Variants in IFT140 observed in about 807,000 individuals in gnomAD.
The protein encoded by IFT140 is intraflagellar transport 140.
A neutral mutation model predicts 164.6 loss-of-function variants in IFT140; 133 were observed. That is an observed-to-expected ratio of 0.81 (90% CI 0.70 to 0.93). IFT140 has a LOEUF of 0.93. Among genes scored for constraint, IFT140 ranks in the 40% least tolerant of loss-of-function variants. The pLI is 0.00. For synonymous variants in IFT140, 860 were observed against 817.3 expected (o/e 1.05, Z -0.89); for missense variants, 2,045 against 1,972.3 (o/e 1.04, Z -0.70).
chr16:1,520,864 G>A lies in IFT140; in HGVS notation c.3454-56C>T, dbSNP rs1014947575. 1.1e-5 allele frequency: 17 copies of A among 1,495,474 alleles called. No individual in the cohort carries two copies. In the African/African-American group the frequency reaches 1.4e-4, roughly 12 times the overall value. The allele number at this position is 1,495,474 out of a possible 1,614,324, so 92.6% of individuals were successfully genotyped here. A position where few individuals can be genotyped will look rare whatever the true frequency, so the allele number is the denominator to read the frequency against. ...CCGAGGGGGCCGGGAACTGAAGTGC[G>A]CCCCTCATCTGCCACCGCTTCAGAG... On this transcript the variant is annotated intron_variant, in intron 26 of 30. Coordinates refer to ENST00000426508, the MANE Select transcript of IFT140 (RefSeq NM_014714.4).
intron 19 of IFT140, among the ~76,000 whole-genome samples, chr16:1,530,277 C>A (rs1425049958): frequency 1.3e-5 from 2 of 151,702 alleles, no homozygotes; most frequent in Admixed American, 1.3e-4. Context: ...GGACTACAGG[C>A]ATGCGCCACC....
intron 13 of IFT140, among the ~76,000 whole-genome samples, chr16:1,572,396 C>T (rs2034067304): frequency 6.6e-6 from 1 of 152,234 alleles, no homozygotes; most frequent in South Asian, 2.1e-4. Context: ...CCTGTAATCC[C>T]AGCACTTTGG....
chr16:1,555,145 G>A, intron 19 of IFT140: 1 of 1,324,116 alleles, frequency 7.6e-7, no homozygotes, highest in Non-Finnish European at 1.0e-6. Context: ...ATGAGTCTGG[G>A]TGACCTCTGC....
chr16:1,559,315 T>C (rs566493022), intron 18 of IFT140, among the ~76,000 whole-genome samples: 1 of 152,332 alleles, frequency 6.6e-6, no homozygotes, highest in Admixed American at 6.5e-5. Flanking sequence ...GGGTACCCAG[T>C]TCGCTGTGTG....
At chr16:1,610,508 T>TGGGACTCGCGAGGGGCCGCG (rs1163816800) in intron 2 of IFT140, 156 bp downstream of exon 2, 3 of 153,710 alleles carry the variant, frequency 2.0e-5, no homozygotes, top group African/African-American at 7.2e-5. Flanking sequence ...CCAGCCTCGA[T>TGGGACTCGCGAGGGGCCGCG]GGGACTCGCG....
intron 19 of IFT140, chr16:1,554,175 T>C (rs1407591323): frequency 7.9e-7 from 1 of 1,261,466 alleles, no homozygotes; most frequent in Non-Finnish European, 1.0e-6. Context: ...CCTGGCCCCA[T>C]CTCCGCCCTG....
intron 19 of IFT140, among the ~76,000 whole-genome samples, chr16:1,538,174 C>A (rs1168803098): frequency 5.3e-5 from 8 of 152,180 alleles, no homozygotes; most frequent in Admixed American, 4.6e-4. Context: ...TCCTTCCTGG[C>A]AGGGCGGTGG....
Position 1,531,557 on chromosome 16 carries a change from G to C in IFT140, c.2400-4761C>G, listed in dbSNP as rs1476668275. On this transcript the variant is annotated intron_variant, in intron 19 of 30. Coordinates refer to ENST00000426508, the MANE Select transcript of IFT140 (RefSeq NM_014714.4). The surrounding 1 kb of genome is among the most constrained non-coding windows in gnomAD (Gnocchi z 4.7). ...AGAGCAGGAGGGTGTGATGCACTGT[G>C]GGGGAAGCCCACCGCCCAGCTGCGA... The C allele has an allele frequency of 6.6e-6, 1 of 152,252 alleles. No individual in the cohort carries two copies. The highest frequency in any genetic ancestry group is 1.9e-4 in the East Asian group (1 of 5,186). 9.4% of individuals were successfully genotyped at this position (152,252 alleles called of 1,614,324 possible).
intron 30 of IFT140, 90 bp downstream of exon 30, chr16:1,518,126 C>T (rs773865080): frequency 1.5e-6 from 2 of 1,353,030 alleles, no homozygotes; most frequent in Non-Finnish European, 2.0e-6. Context: ...GAGTGAGCCG[C>T]CACACACAGC....
intron 3 of IFT140, 99 bp downstream of exon 3, chr16:1,607,021 G>GGCACACACACACATGT (rs1316337534): frequency 1.1e-5 from 13 of 1,180,254 alleles, no homozygotes; most frequent in Non-Finnish European, 1.6e-5. Flanking sequence ...CACACCCATA[G>GGCACACACACACATGT]GCACACACAC....
intron 8 of IFT140, 101 bp downstream of exon 8, chr16:1,587,832 T>G (rs1269351854): frequency 2.3e-6 from 2 of 871,016 alleles, no homozygotes; most frequent in Non-Finnish European, 3.6e-6. Context: ...CAGCATCATA[T>G]GTGCATTTTA....
At chr16:1,587,599 T>G (rs1310565311) in intron 8 of IFT140, among the ~76,000 whole-genome samples, 1 of 152,148 alleles carries the variant, frequency 6.6e-6, no homozygotes, top group African/African-American at 2.4e-5. Flanking sequence ...CACACTGAGC[T>G]AACGCAGCAG....
intron 3 of IFT140, among the ~76,000 whole-genome samples, chr16:1,605,799 A>G (rs1014799484): frequency 6.6e-6 from 1 of 151,926 alleles, no homozygotes; most frequent in African/African-American, 2.4e-5. Context: ...TAGGGGGTGA[A>G]TTGTGTCCCC....
rs372395828 is a variant in IFT140, at chr16:1,516,541, G to A, written c.4182+1675C>T. ...TCCCAGCACTTTGGGAGGCCGAGGC[G>A]GGCGGATCATGAGGTCAGGAGATCG... On this transcript the variant is annotated intron_variant, in intron 30 of 30. Transcript: ENST00000426508. 3.5e-3 allele frequency among the ~76,000 whole-genome samples: 528 copies of A among 152,158 alleles called. 18 individuals are homozygous for A. In the South Asian group the frequency reaches 0.078, roughly 23 times the overall value.
At chr16:1,563,924 G>A in intron 17 of IFT140, 73 bp downstream of exon 17, 9 of 1,426,482 alleles carry the variant, frequency 6.3e-6, no homozygotes, top group Non-Finnish European at 8.4e-6. Flanking sequence ...ACCGTGCCCA[G>A]CCCATGAAGA....
chr16:1,585,136 G>A (rs76705317), intron 10 of IFT140, among the ~76,000 whole-genome samples: 12,070 of 152,270 alleles, frequency 0.079, 765 homozygotes, highest in East Asian at 0.27. Context: ...ACACAAAAAC[G>A]TGTACACAAG....
rs137995818 is a variant in IFT140, at chr16:1,524,614, C to T, written c.3079G>A (p.Gly1027Arg). 1.1e-3 allele frequency: 1,800 copies of T among 1,604,306 alleles called. 42 individuals carry two copies. The East Asian group carries it at 0.038, about 34-fold the overall frequency. ...ARQYESQEEV[G>R]QAVHFYTRAQ... Reference sequence around the variant, plus strand: ...CGGGTGTAGAAGTGCACCGCCTGCCCGACCTCCTCCTGGCTCTCGTACTGG... The same window carrying T: ...CGGGTGTAGAAGTGCACCGCCTGCCTGACCTCCTCCTGGCTCTCGTACTGG... The change falls in exon 24 of 31, where the codon GGG becomes AGG. Residue 1027 changes from glycine (G) to arginine (R), a missense_variant. Physicochemically the swap from Gly to Arg is moderately radical, Grantham distance 125. Transcript: ENST00000426508.
chr16:1,511,285 G>C lies in IFT140; in HGVS notation c.4183-135C>G. On this transcript the variant is annotated intron_variant, in intron 30 of 30. Coordinates refer to ENST00000426508, the MANE Select transcript of IFT140 (RefSeq NM_014714.4). ...CGCGCTGGAGGACACGGGGTGCACTGAGGCTTCCCATTGGTGATGGGGGAA... is the reference window on the plus strand; with the variant it reads ...CGCGCTGGAGGACACGGGGTGCACTCAGGCTTCCCATTGGTGATGGGGGAA... The C allele has an allele frequency of 5.1e-6, 4 of 779,090 alleles. No homozygotes were observed. In the Admixed American group the frequency reaches 8.2e-5, roughly 16 times the overall value. 48.3% of individuals were successfully genotyped at this position (779,090 alleles called of 1,614,324 possible). A position where few individuals can be genotyped will look rare whatever the true frequency, so the allele number is the denominator to read the frequency against.
intron 19 of IFT140, 155 bp from the exon 20 acceptor site, chr16:1,526,951 C>G: frequency 1.3e-6 from 1 of 790,206 alleles, no homozygotes; most frequent in Non-Finnish European, 1.9e-6. Flanking sequence ...CTGGGCAAGA[C>G]TGCAGGCCAT....
Sources: allele counts gnomAD v4.1 joint callset (sites outside exome capture counted in the v4.1 genomes callset), GRCh38; gene constraint gnomAD v4.1.1; non-coding constraint Gnocchi (gnomAD v3.1); transcripts MANE v1.5; gene names NCBI Gene and HGNC (gene_info 2026-07-23, HGNC 2026-07-21).